Variants in TMPRSS7 observed in about 807,000 individuals in gnomAD.
The protein encoded by TMPRSS7 is transmembrane protease serine 7.
TMPRSS7 carries 81 observed loss-of-function variants against 95.6 expected under a neutral mutation model. The observed-to-expected ratio is 0.85, with a 90% confidence interval of 0.71 to 1.02. The LOEUF (loss-of-function observed/expected upper bound fraction) is 1.02, where lower values mean the gene tolerates loss of function less well. Ranked by LOEUF, TMPRSS7 falls within the 50% of genes least tolerant of loss-of-function variation. The pLI is 0.00. For synonymous variants in TMPRSS7, 364 were observed against 337.8 expected (o/e 1.08, Z -0.85); for missense variants, 945 against 955.2 (o/e 0.99, Z 0.14).
chr3:112,063,379 C>G (rs1165842528), intron 11 of TMPRSS7, 146 bp from the exon 12 acceptor site: 1 of 636,382 alleles, frequency 1.6e-6, no homozygotes. Flanking sequence ...TGACTGGCAG[C>G]CTTCATTTGA....
At chr3:112,066,434 A>C (rs766386133) in exon 13 of TMPRSS7, 2 of 1,613,936 alleles carry the variant, frequency 1.2e-6, no homozygotes, top group East Asian at 2.2e-5. Context: ...TTCAGGCAGC[A>C]TGGCCCTCTC....
intron 7 of TMPRSS7, among the ~76,000 whole-genome samples, chr3:112,049,353 C>T (rs1299340522): frequency 2.0e-5 from 3 of 152,140 alleles, no homozygotes; most frequent in Admixed American, 6.5e-5. Flanking sequence ...TCCTTTGTTG[C>T]TTTGTGCATT....
rs769601495 is a variant in TMPRSS7, at chr3:112,042,303, G to A, written c.429+253G>A. ...CTCTCAGCTTCAGTTCTTCTGAACC[G>A]TAAAATAAAAGAATTGGAATCAGAT... On this transcript the variant is annotated intron_variant, in intron 3 of 17. Coordinates refer to ENST00000452346, the Ensembl canonical transcript of TMPRSS7. 3.9e-5 allele frequency among the ~76,000 whole-genome samples: 6 copies of A among 152,190 alleles called. No individual in the cohort carries two copies. In the East Asian group the frequency reaches 5.8e-4, roughly 15 times the overall value.
chr3:112,044,114 G>A (rs7650263), intron 3 of TMPRSS7, 141 bp from the exon 4 acceptor site: 182,837 of 569,126 alleles, frequency 0.32, 31,119 homozygotes, highest in East Asian at 0.44. Flanking sequence ...AAATAATGCC[G>A]GGGTGTGGAG....
At chr3:112,044,138 T>C in intron 3 of TMPRSS7, 117 bp from the exon 4 acceptor site, 1 of 680,908 alleles carries the variant, frequency 1.5e-6, no homozygotes, top group Middle Eastern at 3.7e-4. Flanking sequence ...GGAGCCTTTA[T>C]TTTGAGGCTT....
chr3:112,049,039 TCACTCTACAACCCTGCCG>T (rs2107741851), intron 7 of TMPRSS7, among the ~76,000 whole-genome samples: 1 of 152,214 alleles, frequency 6.6e-6, no homozygotes, highest in South Asian at 2.1e-4. Context: ...AAAAGCCCGG[TCACTCTACAACCCTGCCG>T]CTTCCGCCAC....
At chr3:112,062,514 A>G (rs1340522492) in intron 11 of TMPRSS7, among the ~76,000 whole-genome samples, 1 of 152,224 alleles carries the variant, frequency 6.6e-6, no homozygotes, top group Non-Finnish European at 1.5e-5. Flanking sequence ...TCTTTGACCC[A>G]TCTTAAGAGG....
intron 5 of TMPRSS7, among the ~76,000 whole-genome samples, chr3:112,046,512 A>G (rs1360011034): frequency 6.6e-6 from 1 of 152,216 alleles, no homozygotes; most frequent in East Asian, 1.9e-4. Context: ...GTGTGTATTT[A>G]AAAATATATA....
chr3:112,074,372 G>A (rs768393529), exon 14 of TMPRSS7: 3 of 1,613,920 alleles, frequency 1.9e-6, no homozygotes, highest in Admixed American at 3.3e-5. Context: ...AATGTGATGG[G>A]ACAGTGGATT....
exon 18 of TMPRSS7, chr3:112,081,109 G>T: frequency 1.3e-6 from 2 of 1,578,242 alleles, no homozygotes; most frequent in Non-Finnish European, 1.7e-6. Flanking sequence ...TTTTTACTGT[G>T]ATTTATGTTA....
chr3:112,065,957 C>T (rs932734142), intron 12 of TMPRSS7, among the ~76,000 whole-genome samples: 1 of 152,130 alleles, frequency 6.6e-6, no homozygotes, highest in African/African-American at 2.4e-5. Context: ...ATTCATTCAA[C>T]AAACCTTGAG....
At chr3:112,081,164 G>A (rs1464882283) in exon 18 of TMPRSS7, 24 of 1,416,598 alleles carry the variant, frequency 1.7e-5, no homozygotes, top group Non-Finnish European at 2.3e-5. Context: ...TGGGTGCGCT[G>A]GCTCACACCT....
At chr3:112,043,885 A>G (rs553269028) in intron 3 of TMPRSS7, among the ~76,000 whole-genome samples, 8 of 152,362 alleles carry the variant, frequency 5.3e-5, no homozygotes, top group Admixed American at 5.2e-4. Context: ...GTGCACTGAT[A>G]GAAAAGACGT....
intron 16 of TMPRSS7, 27 bp from the exon 17 acceptor site, chr3:112,078,715 C>G: frequency 1.9e-6 from 3 of 1,613,538 alleles, no homozygotes; most frequent in Non-Finnish European, 2.5e-6. Context: ...CCACTAACAT[C>G]ATTTCTACTT....
intron 2 of TMPRSS7, among the ~76,000 whole-genome samples, chr3:112,038,737 C>A (rs956640982): frequency 1.1e-4 from 16 of 152,318 alleles, no homozygotes; most frequent in African/African-American, 3.8e-4. Context: ...CCACCTTGGC[C>A]TTCCAAAGTG....
chr3:112,066,311 T>C, intron 12 of TMPRSS7, 81 bp from the exon 13 acceptor site: 2 of 1,196,726 alleles, frequency 1.7e-6, no homozygotes, highest in South Asian at 2.5e-5. Flanking sequence ...ATTTGTACCT[T>C]GAGACTGGCA....
In TMPRSS7 at chr3:112,076,247, G is replaced by A. The variant is rs139696480; in HGVS notation, c.1956-629G>A. Among the ~76,000 whole-genome samples the A allele has an allele frequency of 5.1e-3, 770 of 152,222 alleles. 3 individuals are homozygous for A. Among genetic ancestry groups the A allele is most frequent in the African/African-American group, 0.018 (744 of 41,524 alleles). On this transcript the variant is annotated intron_variant, in intron 15 of 17. Coordinates refer to ENST00000452346, the Ensembl canonical transcript of TMPRSS7. ...CACTGCTATGCTGATGGAGATGGAC[G>A]CTTCACATGGAGATTACAAGTTCTT...
intron 9 of TMPRSS7, among the ~76,000 whole-genome samples, chr3:112,054,981 C>T (rs1475704675): frequency 6.6e-6 from 1 of 152,054 alleles, no homozygotes; most frequent in East Asian, 1.9e-4. Context: ...CGTCGTGATC[C>T]GCCCTCCTGG....
intron 16 of TMPRSS7, among the ~76,000 whole-genome samples, chr3:112,077,951 T>G (rs914565328): frequency 1.3e-5 from 2 of 152,170 alleles, no homozygotes; most frequent in African/African-American, 4.8e-5. Context: ...TTTTCAAGGG[T>G]TTAGGACACG....
Sources: allele counts gnomAD v4.1 joint callset (sites outside exome capture counted in the v4.1 genomes callset), GRCh38; gene constraint gnomAD v4.1.1; transcripts MANE v1.5; gene names NCBI Gene and HGNC (gene_info 2026-07-23, HGNC 2026-07-21).